Variants in LPP observed in about 807,000 individuals in gnomAD.
LPP encodes LIM domain containing preferred translocation partner in lipoma, also known as lipoma-preferred partner.
In LPP, 38 loss-of-function variants were observed where a neutral mutation model predicts 60.4. The ratio of observed to expected loss-of-function variants is 0.63; its 90% confidence interval spans 0.49 to 0.83. LPP has a LOEUF of 0.83. Among genes scored for constraint, LPP ranks in the 40% least tolerant of loss-of-function variants. LPP has a pLI of 0.00. For synonymous variants in LPP, 328 were observed against 290.8 expected, an observed-to-expected ratio of 1.13 and a Z score of -1.30; for missense variants, 902 against 783.6, an observed-to-expected ratio of 1.15 and a Z score of -1.80.
At chr3:188,247,974 T>C (rs575471903) in intron 2 of LPP, among the ~76,000 whole-genome samples, 13 of 152,260 alleles carry the variant, frequency 8.5e-5, no homozygotes, top group African/African-American at 3.1e-4. Flanking sequence ...TATGCTACAA[T>C]GCTCATCTCA....
chr3:188,295,307 A>G (rs975746794), intron 2 of LPP, among the ~76,000 whole-genome samples: 4 of 152,186 alleles, frequency 2.6e-5, no homozygotes, highest in African/African-American at 9.7e-5. Flanking sequence ...GCACGGTTAG[A>G]GTTACTAGAA....
At chr3:188,350,897 T>C (rs1331903419) in intron 3 of LPP, among the ~76,000 whole-genome samples, 5 of 152,166 alleles carry the variant, frequency 3.3e-5, no homozygotes, top group Non-Finnish European at 7.4e-5. Flanking sequence ...TCTTATAAAA[T>C]ACACCCCTTG....
intron 6 of LPP, among the ~76,000 whole-genome samples, chr3:188,605,121 A>T (rs1842145762): frequency 6.6e-6 from 1 of 152,182 alleles, no homozygotes; most frequent in South Asian, 2.1e-4. Flanking sequence ...GGAAAGCAAT[A>T]TGATTAGATT....
intron 2 of LPP, among the ~76,000 whole-genome samples, chr3:188,252,577 C>T (rs1273483649): frequency 6.6e-6 from 1 of 151,940 alleles, no homozygotes; most frequent in East Asian, 1.9e-4. Flanking sequence ...ACTAGCATTC[C>T]CAACTACAGA....
intron 8 of LPP, among the ~76,000 whole-genome samples, chr3:188,736,675 G>A (rs1722634727): frequency 6.6e-6 from 1 of 151,348 alleles, no homozygotes; most frequent in South Asian, 2.1e-4. Context: ...AATATCAGAT[G>A]GATGGATGGA....
At chr3:188,451,481 G>T (rs144885380) in intron 4 of LPP, among the ~76,000 whole-genome samples, 1 of 152,106 alleles carries the variant, frequency 6.6e-6, no homozygotes, top group African/African-American at 2.4e-5. Context: ...AATATTTATT[G>T]TATGGCAATT....
chr3:188,384,918 G>A (rs1354985901), intron 3 of LPP, among the ~76,000 whole-genome samples: 2 of 151,450 alleles, frequency 1.3e-5, no homozygotes, highest in Non-Finnish European at 1.5e-5. Context: ...GCTGTCCCTC[G>A]TGTGTTTACC....
At chr3:188,207,867 C>T (rs1733739114) in intron 1 of LPP, among the ~76,000 whole-genome samples, 1 of 152,146 alleles carries the variant, frequency 6.6e-6, no homozygotes, top group Non-Finnish European at 1.5e-5. Context: ...AGGGATTCTG[C>T]AGAACTCATA....
At chr3:188,618,701 A>G (rs186555320) in intron 7 of LPP, among the ~76,000 whole-genome samples, 1 of 152,366 alleles carries the variant, frequency 6.6e-6, no homozygotes, top group East Asian at 1.9e-4. Context: ...CAACATTGCT[A>G]TTAAGAGTTA....
At chr3:188,409,774 G>A (rs963262534) in intron 4 of LPP, among the ~76,000 whole-genome samples, 5 of 152,120 alleles carry the variant, frequency 3.3e-5, no homozygotes, top group African/African-American at 1.2e-4. Context: ...TGACCTCCAC[G>A]AAGCTCAACC....
At chr3:188,723,036 G>A (rs1033909384) in intron 8 of LPP, among the ~76,000 whole-genome samples, 1 of 152,186 alleles carries the variant, frequency 6.6e-6, no homozygotes, top group Non-Finnish European at 1.5e-5. Flanking sequence ...CATTGTGTGT[G>A]AGAAAGCAAC....
intron 4 of LPP, among the ~76,000 whole-genome samples, chr3:188,411,869 T>G (rs1784962193): frequency 6.6e-6 from 1 of 152,150 alleles, no homozygotes; most frequent in South Asian, 2.1e-4. Flanking sequence ...GTTTTTGAAA[T>G]TATCTTACTA....
intron 8 of LPP, among the ~76,000 whole-genome samples, chr3:188,750,670 T>C (rs1727785997): frequency 6.6e-6 from 1 of 152,138 alleles, no homozygotes; most frequent in Non-Finnish European, 1.5e-5. Context: ...CAGAGAATCT[T>C]GTCCAGGTTA....
chr3:188,167,248 A>T (rs992889234), intron 1 of LPP, among the ~76,000 whole-genome samples: 3 of 152,336 alleles, frequency 2.0e-5, no homozygotes, highest in Middle Eastern at 3.4e-3. Flanking sequence ...CTGTAATCCT[A>T]GCACTTTGGG....
intron 1 of LPP, among the ~76,000 whole-genome samples, chr3:188,218,191 G>A (rs1354702887): frequency 1.3e-5 from 2 of 152,228 alleles, no homozygotes; most frequent in Non-Finnish European, 2.9e-5. Context: ...TGCGGTCCAA[G>A]GGCACCTACC....
intron 7 of LPP, among the ~76,000 whole-genome samples, chr3:188,612,240 G>A (rs1843869771): frequency 1.3e-5 from 2 of 152,162 alleles, no homozygotes; most frequent in Admixed American, 1.3e-4. Context: ...CATCTGTCCT[G>A]TCTGTGCTTT....
At chr3:188,807,424 G>C (rs564113501) in intron 9 of LPP, among the ~76,000 whole-genome samples, 1 of 151,930 alleles carries the variant, frequency 6.6e-6, no homozygotes, top group Non-Finnish European at 1.5e-5. Flanking sequence ...TTAGAAGATA[G>C]CCAATATCTC....
At chr3:188,775,908 GAGA>G (rs1441905704) in intron 9 of LPP, among the ~76,000 whole-genome samples, 1 of 152,238 alleles carries the variant, frequency 6.6e-6, no homozygotes, top group Non-Finnish European at 1.5e-5. Context: ...GGAAAGGGAG[GAGA>G]AGATTGTCTC....
intron 6 of LPP, among the ~76,000 whole-genome samples, chr3:188,551,772 A>G (rs916615653): frequency 1.3e-5 from 2 of 152,144 alleles, no homozygotes; most frequent in African/African-American, 4.8e-5. Flanking sequence ...TCAATTTTCC[A>G]TTGGTCAATT....
Sources: allele counts gnomAD v4.1 joint callset (sites outside exome capture counted in the v4.1 genomes callset), GRCh38; gene constraint gnomAD v4.1.1; transcripts MANE v1.5; gene names NCBI Gene and HGNC (gene_info 2026-07-23, HGNC 2026-07-21).